The following PLXNA4 variants were observed in gnomAD, a reference collection of about 807,000 sequenced individuals.
PLXNA4 encodes the protein plexin A4.
PLXNA4 carries 44 observed loss-of-function variants against 191.8 expected under a neutral mutation model. The ratio of observed to expected loss-of-function variants is 0.23; its 90% CI spans 0.18 to 0.29. The LOEUF (loss-of-function observed/expected upper bound fraction) is 0.29. PLXNA4 is among the 10% of genes least tolerant of loss of function. PLXNA4 has a pLI of 1.00. For synonymous variants in PLXNA4, 1,082 were observed against 1,009.5 expected (o/e 1.07, Z -1.36); for missense variants, 1,800 against 2,488.8 (o/e 0.72, Z 5.89).
intron 1 of PLXNA4, among the ~76,000 whole-genome samples, chr7:132,571,711 G>T (rs901135502): frequency 1.3e-5 from 2 of 152,164 alleles, no homozygotes; most frequent in Admixed American, 1.3e-4. Context: ...CTATTTTAAA[G>T]ATGAAATGAG....
intron 3 of PLXNA4, among the ~76,000 whole-genome samples, chr7:132,449,051 T>A (rs1796018425): frequency 6.6e-6 from 1 of 152,158 alleles, no homozygotes; most frequent in Non-Finnish European, 1.5e-5. Flanking sequence ...AAACCACTGG[T>A]TTATGATCAG....
chr7:132,471,419 C>G (rs986807722), intron 3 of PLXNA4, among the ~76,000 whole-genome samples: 1 of 152,212 alleles, frequency 6.6e-6, no homozygotes. Context: ...ATGGAATACA[C>G]TGCCCGTTCC....
At chr7:132,599,680 C>T (rs1198846192) in intron 2 of PLXNA4, among the ~76,000 whole-genome samples, 3 of 151,786 alleles carry the variant, frequency 2.0e-5, no homozygotes, top group Non-Finnish European at 2.9e-5. Context: ...TTAGACTTCT[C>T]CCCCTTTTTT....
At position 132,268,554 on chromosome 7, in the gene PLXNA4, C is replaced by T. The variant is rs1164769977; in HGVS notation, c.1504-27388G>A. Among the ~76,000 whole-genome samples the T allele has an allele frequency of 4.6e-5, 7 of 152,102 alleles. No homozygotes were observed. In the East Asian group the frequency reaches 7.7e-4, roughly 17 times the overall value. On this transcript the variant is annotated intron_variant, in intron 4 of 31. Coordinates refer to ENST00000321063, the MANE Select transcript of PLXNA4 (RefSeq NM_020911.2). ...GCAAGGCTAGTTGGAGTGTGGCTGG[C>T]GGGAGGGTCATGGGTCTTATTTACA...
At chr7:132,502,989 G>A (rs1405859853) in intron 2 of PLXNA4, among the ~76,000 whole-genome samples, 1 of 152,182 alleles carries the variant, frequency 6.6e-6, no homozygotes, top group Non-Finnish European at 1.5e-5. Flanking sequence ...TCAGGTCAAG[G>A]CTTGACAGGG....
intron 1 of PLXNA4, among the ~76,000 whole-genome samples, chr7:132,568,530 A>G (rs1034648093): frequency 2.0e-4 from 30 of 152,106 alleles, no homozygotes; most frequent in African/African-American, 7.2e-4. Context: ...CAGACTCCCA[A>G]TTTATGTATC....
At chr7:132,627,767 G>C (rs915432279) in intron 2 of PLXNA4, among the ~76,000 whole-genome samples, 1 of 152,188 alleles carries the variant, frequency 6.6e-6, no homozygotes, top group African/African-American at 2.4e-5. Flanking sequence ...TTGAAGCAGA[G>C]AACAGCCATC....
chr7:132,145,060 A>C, intron 29 of PLXNA4, 59 bp downstream of exon 29: 1 of 1,611,546 alleles, frequency 6.2e-7, no homozygotes, highest in Non-Finnish European at 8.5e-7. Flanking sequence ...CACCACCATT[A>C]ACTTGAGGCT....
At chr7:132,317,663 T>G (rs1327675241) in intron 3 of PLXNA4, among the ~76,000 whole-genome samples, 1 of 152,238 alleles carries the variant, frequency 6.6e-6, no homozygotes, top group Non-Finnish European at 1.5e-5. Flanking sequence ...CCCTGATTAC[T>G]TTTATTCTGT....
chr7:132,602,710 C>A (rs17166622), intron 2 of PLXNA4, among the ~76,000 whole-genome samples: 1 of 152,004 alleles, frequency 6.6e-6, no homozygotes, highest in African/African-American at 2.4e-5. Context: ...CCCATCTTAG[C>A]GAGGGAAGAG....
chr7:132,248,136 A>T (rs1286497593), intron 4 of PLXNA4, among the ~76,000 whole-genome samples: 2 of 152,198 alleles, frequency 1.3e-5, no homozygotes, highest in African/African-American at 4.8e-5. Context: ...TTATGTGCTC[A>T]TCTTTGCCTT....
intron 1 of PLXNA4, among the ~76,000 whole-genome samples, chr7:132,551,974 G>C (rs866780066): frequency 2.0e-5 from 3 of 152,124 alleles, no homozygotes; most frequent in Admixed American, 6.5e-5. Context: ...CAGGAGTCAG[G>C]GCCAGGTTGA....
intron 3 of PLXNA4, among the ~76,000 whole-genome samples, chr7:132,347,870 G>A (rs1263722189): frequency 6.6e-6 from 1 of 152,074 alleles, no homozygotes; most frequent in Non-Finnish European, 1.5e-5. Context: ...GCTCTTTCGG[G>A]CACTTTCATG....
At chr7:132,131,487 T>G (rs1794924951) in intron 31 of PLXNA4, among the ~76,000 whole-genome samples, 1 of 150,010 alleles carries the variant, frequency 6.7e-6, no homozygotes, top group Non-Finnish European at 1.5e-5. Flanking sequence ...GATGTTGTAG[T>G]TTGAGGGGCA....
Position 132,148,559 on chromosome 7 carries a change from G to C in PLXNA4, c.4748C>G (p.Thr1583Arg). ...KIENDWKRLN[T>R]LAHYQVPDGS... ...TCCCCTCACCTGGTAGTGGGCCAGT[G>C]TGTTCAGTCGCTTCCAATCATTCTC... The change falls in exon 26 of 32, where the codon ACA becomes AGA. Residue 1583 changes from threonine to arginine, a missense_variant. Physicochemically the swap from Thr to Arg is moderately conservative, Grantham distance 71. This residue lies in a region of PLXNA4 where 214 missense variants were observed against 298.2 expected (regional missense o/e 0.72). Coordinates refer to ENST00000321063, the MANE Select transcript of PLXNA4 (RefSeq NM_020911.2). 1 of 1,614,124 alleles carries C rather than the reference G, an allele frequency of 6.2e-7. No homozygotes were observed. The highest frequency in any genetic ancestry group is 8.5e-7 in the Non-Finnish European group (1 of 1,180,016).
intron 23 of PLXNA4, among the ~76,000 whole-genome samples, chr7:132,164,538 T>G (rs1796042609): frequency 6.6e-6 from 1 of 152,144 alleles, no homozygotes; most frequent in Non-Finnish European, 1.5e-5. Flanking sequence ...CTGCCGCCTC[T>G]CCAGGGCTCT....
intron 3 of PLXNA4, among the ~76,000 whole-genome samples, chr7:132,406,543 G>A (rs1794225782): frequency 6.6e-6 from 1 of 152,308 alleles, no homozygotes; most frequent in Admixed American, 6.5e-5. Flanking sequence ...TGGCCTCCTA[G>A]CTTCAGAGCA....
chr7:132,243,904 T>C (rs1013891415), intron 4 of PLXNA4, among the ~76,000 whole-genome samples: 2 of 152,158 alleles, frequency 1.3e-5, no homozygotes, highest in Non-Finnish European at 2.9e-5. Context: ...GGAGAACTTT[T>C]TTTTTTTAGT....
At chr7:132,177,268 T>C (rs1796506918) in intron 20 of PLXNA4, among the ~76,000 whole-genome samples, 1 of 152,294 alleles carries the variant, frequency 6.6e-6, no homozygotes, top group Middle Eastern at 3.4e-3. Flanking sequence ...TGTGGGAGTG[T>C]TTGTAAATAC....
Sources: gnomAD v4.1 joint callset for allele counts (sites outside exome capture counted in the v4.1 genomes callset) on GRCh38, gnomAD v4.1.1 for gene constraint, gnomAD v4.1.1 regional missense constraint, MANE v1.5 for transcripts, NCBI Gene and HGNC (gene_info 2026-07-23, HGNC 2026-07-21) for gene names.